P4HA1: variants seen among roughly 807,000 people sequenced by gnomAD.
P4HA1 encodes the protein prolyl 4-hydroxylase subunit alpha-1.
P4HA1 carries 24 observed loss-of-function variants against 72.8 expected under a neutral mutation model. That is an observed-to-expected ratio of 0.33 (90% CI 0.24 to 0.46). The LOEUF (loss-of-function observed/expected upper bound fraction) is 0.46, where lower values mean the gene tolerates loss of function less well. Among genes scored for constraint, P4HA1 ranks in the 20% least tolerant of loss-of-function variants. P4HA1 has a pLI of 1.00. For missense variants in P4HA1, 446 were observed against 640.6 expected (o/e 0.70, Z 3.28); for synonymous variants, 201 against 218.8 (o/e 0.92, Z 0.72).
At chr10:73,060,715 T>C (rs778602084) in intron 5 of P4HA1, among the ~76,000 whole-genome samples, 41 of 151,840 alleles carry the variant, frequency 2.7e-4, no homozygotes, top group Non-Finnish European at 5.6e-4. Context: ...AATAACACAG[T>C]CAATTCAAAA....
chr10:73,029,737 T>A (rs796266451), intron 10 of P4HA1, among the ~76,000 whole-genome samples: 1 of 152,054 alleles, frequency 6.6e-6, no homozygotes. Context: ...ACCTGTTTAC[T>A]ACAGATATTT....
intron 1 of P4HA1, among the ~76,000 whole-genome samples, chr10:73,080,462 A>G (rs892951799): frequency 6.6e-6 from 1 of 152,238 alleles, no homozygotes; most frequent in African/African-American, 2.4e-5. Context: ...TGCATTTAAA[A>G]TAGATTTTAC....
chr10:73,016,546 G>A (rs1457243683), intron 11 of P4HA1, among the ~76,000 whole-genome samples: 3 of 152,264 alleles, frequency 2.0e-5, no homozygotes, highest in Non-Finnish European at 4.4e-5. Flanking sequence ...GGAGGCTGAG[G>A]TGGGTGGATC....
At chr10:73,029,415 C>CAA (rs769323241) in intron 10 of P4HA1, among the ~76,000 whole-genome samples, 33 of 56,542 alleles carry the variant, frequency 5.8e-4, no homozygotes, top group East Asian at 1.1e-3. Flanking sequence ...GACTCCATCT[C>CAA]AAAAAAAAAA....
intron 4 of P4HA1, among the ~76,000 whole-genome samples, chr10:73,070,946 C>T (rs1035771473): frequency 1.3e-5 from 2 of 152,032 alleles, no homozygotes; most frequent in African/African-American, 2.4e-5. Flanking sequence ...CTGTGGGAGG[C>T]TGAGGTGGAA....
intron 7 of P4HA1, among the ~76,000 whole-genome samples, chr10:73,047,965 C>T (rs77287032): frequency 0.052 from 7,938 of 152,122 alleles, 666 homozygotes; most frequent in African/African-American, 0.18. Context: ...AATGGGAGGA[C>T]TGCTTAAGCC....
chr10:73,051,256 G>A lies in P4HA1; in HGVS notation c.704-7C>T, dbSNP rs1841012923. On this transcript the variant is annotated splice_polypyrimidine_tract_variant and splice_region_variant and intron_variant, in intron 6 of 14. Transcript: ENST00000394890. ...GCTCTCTGATGTTCAGGATCTATTA[G>A]AAGAGAAACAAAGCATGTCCATGGG... 5 of 1,511,186 alleles carry A rather than the reference G, an allele frequency of 3.3e-6. No individual in the cohort carries two copies. Among genetic ancestry groups the A allele is most frequent in the Middle Eastern group, 1.7e-4 (1 of 5,822 alleles). 93.6% of individuals were successfully genotyped at this position (1,511,186 alleles called of 1,614,324 possible).
chr10:73,039,300 CTTTTT>C (rs1475951496), intron 9 of P4HA1, among the ~76,000 whole-genome samples: 1 of 151,454 alleles, frequency 6.6e-6, no homozygotes, highest in Non-Finnish European at 1.5e-5. Context: ...AAAAAAAAGC[CTTTTT>C]TGTTTTATGG....
intron 1 of P4HA1, among the ~76,000 whole-genome samples, chr10:73,089,775 A>T (rs1278168012): frequency 6.6e-6 from 1 of 152,088 alleles, no homozygotes; most frequent in Admixed American, 6.6e-5. Context: ...ATAAAAACTA[A>T]TCTTAAGCAA....
Position 73,072,130 on chromosome 10 carries a change from T to C in P4HA1, c.224A>G (p.Glu75Gly). Reference sequence around the variant, plus strand: ...ATTTACTGGATGCCCAACAAATCCTTCTGGATCTTTTGTCGCTGTACTAGT... The same window carrying C: ...ATTTACTGGATGCCCAACAAATCCTCCTGGATCTTTTGTCGCTGTACTAGT... ...RLTSTATKDP[E>G]GFVGHPVNAF... The change falls in exon 4 of 15, where the codon GAA becomes GGA. Residue 75 changes from glutamate (E) to glycine (G), a missense_variant. Transcript: ENST00000394890. The C allele has an allele frequency of 6.2e-7, 1 of 1,613,638 alleles. No homozygotes were observed. Among genetic ancestry groups the C allele is most frequent in the Non-Finnish European group, 8.5e-7 (1 of 1,179,626 alleles).
At chr10:73,071,766 T>C (rs1841571433) in intron 4 of P4HA1, among the ~76,000 whole-genome samples, 1 of 150,872 alleles carries the variant, frequency 6.6e-6, no homozygotes, top group African/African-American at 2.5e-5. Flanking sequence ...ATGATTACCC[T>C]CAGAAATGAA....
intron 10 of P4HA1, among the ~76,000 whole-genome samples, chr10:73,024,048 T>C (rs1456090291): frequency 4.6e-5 from 7 of 152,144 alleles, no homozygotes; most frequent in South Asian, 4.1e-4. Context: ...ATGAGAGACT[T>C]TAACACTCCA....
chr10:73,092,656 G>A (rs1326084478), intron 1 of P4HA1, among the ~76,000 whole-genome samples: 3 of 147,376 alleles, frequency 2.0e-5, no homozygotes, highest in African/African-American at 2.5e-5. Context: ...CCATGCCTGG[G>A]CAACATAGTA....
At position 73,040,532 on chromosome 10, in the gene P4HA1, G is replaced by T. The variant is rs182566838; in HGVS notation, c.1148+4449C>A. Among the ~76,000 whole-genome samples, 729 of 148,710 alleles carry T rather than the reference G, an allele frequency of 4.9e-3. 2 individuals are homozygous for T. The highest frequency in any genetic ancestry group is 8.7e-3 in the Non-Finnish European group (586 of 67,636). ...CTCTCTGTCGCCAGGCTGGAGTGCAGTGGCATGATCTCGGCTCACTGCAAT... is the reference window on the plus strand; with the variant it reads ...CTCTCTGTCGCCAGGCTGGAGTGCATTGGCATGATCTCGGCTCACTGCAAT... On this transcript the variant is annotated intron_variant, in intron 9 of 14. Coordinates refer to ENST00000394890, the MANE Select transcript of P4HA1 (RefSeq NM_001017962.3).
intron 9 of P4HA1, among the ~76,000 whole-genome samples, chr10:73,043,515 G>A (rs927602853): frequency 3.3e-5 from 5 of 152,118 alleles, no homozygotes; most frequent in Non-Finnish European, 7.4e-5. Context: ...ACTTACTTAC[G>A]CAATACCTGC....
intron 1 of P4HA1, among the ~76,000 whole-genome samples, chr10:73,083,610 C>T (rs1841867513): frequency 6.6e-6 from 1 of 152,190 alleles, no homozygotes; most frequent in African/African-American, 2.4e-5. Context: ...ACCTCCTCCA[C>T]CCCTTTTCTC....
At chr10:73,083,979 C>CA (rs1183523761) in intron 1 of P4HA1, among the ~76,000 whole-genome samples, 1 of 151,910 alleles carries the variant, frequency 6.6e-6, no homozygotes, top group Non-Finnish European at 1.5e-5. Context: ...AACAAGCTAA[C>CA]AAAAAAACAA....
At chr10:73,052,746 C>T (rs1241540847) in intron 6 of P4HA1, among the ~76,000 whole-genome samples, 1 of 152,032 alleles carries the variant, frequency 6.6e-6, no homozygotes, top group Non-Finnish European at 1.5e-5. Context: ...TACCAAAGGC[C>T]ACCTAAACTT....
chr10:73,033,107 T>C (rs777126317), intron 9 of P4HA1, among the ~76,000 whole-genome samples: 1 of 152,232 alleles, frequency 6.6e-6, no homozygotes, highest in African/African-American at 2.4e-5. Flanking sequence ...ATCTGGTATA[T>C]GTCAATGTAC....
Sources: gnomAD v4.1 joint callset for allele counts (sites outside exome capture counted in the v4.1 genomes callset) on GRCh38, gnomAD v4.1.1 for gene constraint, MANE v1.5 for transcripts, NCBI Gene and HGNC (gene_info 2026-07-23, HGNC 2026-07-21) for gene names.